ERBB4: variants seen among roughly 807,000 people sequenced by gnomAD.
The protein encoded by ERBB4 is erb-b2 receptor tyrosine kinase 4, also known as receptor tyrosine-protein kinase erbB-4.
Under a neutral mutation model 158.0 loss-of-function variants are expected in ERBB4, and 42 were observed. That is an observed-to-expected ratio of 0.27 (90% CI 0.21 to 0.34). The LOEUF is 0.34. ERBB4 is among the 10% of genes least tolerant of loss of function. ERBB4 has a pLI of 1.00. For synonymous variants in ERBB4, 583 were observed against 558.7 expected (o/e 1.04, Z -0.61); for missense variants, 1,333 against 1,624.1 (o/e 0.82, Z 3.08).
intron 1 of ERBB4, among the ~76,000 whole-genome samples, chr2:212,308,499 T>C (rs752227445): frequency 1.3e-5 from 2 of 151,078 alleles, no homozygotes; most frequent in Non-Finnish European, 3.0e-5. Flanking sequence ...TAAAAGGTTC[T>C]GAAGAAGCTT....
chr2:212,151,080 A>G (rs2080852789), intron 1 of ERBB4, among the ~76,000 whole-genome samples: 1 of 152,066 alleles, frequency 6.6e-6, no homozygotes, highest in Non-Finnish European at 1.5e-5. Context: ...ATGAATGAAA[A>G]TGGAATATTT....
intron 4 of ERBB4, among the ~76,000 whole-genome samples, chr2:211,763,455 A>G (rs957275011): frequency 1.3e-5 from 2 of 152,218 alleles, no homozygotes; most frequent in African/African-American, 4.8e-5. Flanking sequence ...ACAGTGTTCA[A>G]AACACAATGG....
intron 20 of ERBB4, among the ~76,000 whole-genome samples, chr2:211,503,516 G>C (rs2065669324): frequency 6.6e-6 from 1 of 152,108 alleles, no homozygotes. Context: ...GGCAGTCTTG[G>C]AGCAGTTCCT....
chr2:211,659,820 A>G (rs1355445016), intron 15 of ERBB4, among the ~76,000 whole-genome samples: 3 of 152,354 alleles, frequency 2.0e-5, no homozygotes, highest in South Asian at 2.1e-4. Context: ...TGAAGGAGAC[A>G]GATGCATAAA....
intron 1 of ERBB4, among the ~76,000 whole-genome samples, chr2:212,153,179 A>T (rs1165363614): frequency 1.3e-5 from 2 of 152,338 alleles, no homozygotes; most frequent in East Asian, 3.9e-4. Context: ...CGTCATTTGC[A>T]TCTTCTCTAT....
At chr2:211,615,130 T>G (rs2030460) in intron 19 of ERBB4, among the ~76,000 whole-genome samples, 1 of 151,818 alleles carries the variant, frequency 6.6e-6, no homozygotes, top group Admixed American at 6.6e-5. Flanking sequence ...TCATTTTTTT[T>G]AAGAAAGCAA....
intron 2 of ERBB4, among the ~76,000 whole-genome samples, chr2:212,045,622 G>C (rs144065958): frequency 6.6e-6 from 1 of 152,192 alleles, no homozygotes; most frequent in Non-Finnish European, 1.5e-5. Context: ...GACTAAGTAA[G>C]AGTGGATCAT....
intron 1 of ERBB4, among the ~76,000 whole-genome samples, chr2:212,197,374 T>C (rs1445088691): frequency 2.6e-5 from 4 of 152,156 alleles, no homozygotes; most frequent in South Asian, 2.1e-4. Context: ...AACTGTTAGC[T>C]TTTAGAACTT....
At chr2:211,907,559 T>A (rs2079430046) in intron 3 of ERBB4, among the ~76,000 whole-genome samples, 1 of 151,684 alleles carries the variant, frequency 6.6e-6, no homozygotes, top group Non-Finnish European at 1.5e-5. Context: ...TACCATTCCT[T>A]ATCTTACTAT....
intron 3 of ERBB4, among the ~76,000 whole-genome samples, chr2:211,854,646 G>A (rs1311301004): frequency 1.3e-5 from 2 of 152,084 alleles, no homozygotes; most frequent in Non-Finnish European, 2.9e-5. Flanking sequence ...TTCAACCCGT[G>A]TTGTACAAAA....
intron 17 of ERBB4, 105 bp downstream of exon 17, chr2:211,630,357 A>C: frequency 7.7e-7 from 1 of 1,302,066 alleles, no homozygotes; most frequent in Non-Finnish European, 1.1e-6. Context: ...CTTAATTAGG[A>C]CACTGAACAG....
chr2:211,556,668 C>G (rs2067244913), intron 20 of ERBB4, among the ~76,000 whole-genome samples: 1 of 151,996 alleles, frequency 6.6e-6, no homozygotes, highest in African/African-American at 2.4e-5. Flanking sequence ...GAACTGAAAC[C>G]ATAACAAACA....
chr2:211,846,790 G>C (rs2077599714), intron 3 of ERBB4, among the ~76,000 whole-genome samples: 1 of 152,060 alleles, frequency 6.6e-6, no homozygotes, highest in Admixed American at 6.6e-5. Context: ...AGGCAATGCT[G>C]ATTTCTTCAT....
intron 1 of ERBB4, among the ~76,000 whole-genome samples, chr2:212,447,774 T>TTTTGTGTG (rs1553641581): frequency 6.8e-6 from 1 of 147,104 alleles, no homozygotes; most frequent in African/African-American, 2.5e-5. Flanking sequence ...TCATAAAAGA[T>TTTTGTGTG]TGTGTGTGTG....
At chr2:211,669,528 A>G in intron 14 of ERBB4, among the ~76,000 whole-genome samples, 1 of 152,006 alleles carries the variant, frequency 6.6e-6, no homozygotes, top group East Asian at 1.9e-4. Context: ...ACCTTTCTGG[A>G]TAGGACTGCC....
intron 1 of ERBB4, among the ~76,000 whole-genome samples, chr2:212,531,827 C>T (rs113102466): frequency 6.6e-6 from 1 of 152,146 alleles, no homozygotes; most frequent in Admixed American, 6.5e-5. Flanking sequence ...GATTCTATGT[C>T]TCCATAGGCC....
chr2:212,039,776 T>C (rs1483474762), intron 2 of ERBB4, among the ~76,000 whole-genome samples: 2 of 152,010 alleles, frequency 1.3e-5, no homozygotes, highest in South Asian at 4.1e-4. Context: ...ATGGGACCAT[T>C]CTGACTCCAA....
chr2:211,792,497 T>C (rs1254373285), intron 3 of ERBB4, among the ~76,000 whole-genome samples: 2 of 151,942 alleles, frequency 1.3e-5, no homozygotes, highest in African/African-American at 4.8e-5. Context: ...ATTTGATATT[T>C]ATAAGGCATT....
rs933914155 is a variant in ERBB4, at chr2:211,796,804, A to G, written c.422-8645T>C. On this transcript the variant is annotated intron_variant, in intron 3 of 27. Transcript: ENST00000342788. The stretch of plus-strand genomic sequence containing the variant: ...GTAAAACATTTACAAAGCACTGTTA[A>G]AAACCTGATCTTTAAGTTATTGGCA... 2.0e-5 allele frequency among the ~76,000 whole-genome samples: 3 copies of G among 152,066 alleles called. No homozygotes were observed. In the East Asian group the frequency reaches 5.8e-4, roughly 29 times the overall value.
Sources: gnomAD v4.1 joint callset for allele counts (sites outside exome capture counted in the v4.1 genomes callset) on GRCh38, gnomAD v4.1.1 for gene constraint, MANE v1.5 for transcripts, NCBI Gene and HGNC (gene_info 2026-07-23, HGNC 2026-07-21) for gene names.